SOBP: variants seen among roughly 807,000 people sequenced by gnomAD.
The protein encoded by SOBP is sine oculis-binding protein homolog.
In SOBP, 4 loss-of-function variants were observed where a neutral mutation model predicts 53.6. That is an observed-to-expected ratio of 0.07 (90% CI 0.04 to 0.17). SOBP has a LOEUF of 0.17. Among genes scored for constraint, SOBP ranks in the 10% least tolerant of loss-of-function variants. The probability of loss-of-function intolerance (pLI) is 1.00; values close to 1 mark genes in which losing one functional copy is unlikely to be tolerated. For synonymous variants in SOBP, 584 were observed against 522.6 expected (o/e 1.12, Z -1.60); for missense variants, 1,088 against 1,204.7 (o/e 0.90, Z 1.43).
intron 6 of SOBP, among the ~76,000 whole-genome samples, chr6:107,650,242 G>A (rs544277016): frequency 3.3e-5 from 5 of 152,284 alleles, no homozygotes; most frequent in Non-Finnish European, 7.4e-5. Flanking sequence ...ATGAAGCTGC[G>A]ATTCAGACCA....
chr6:107,628,337 G>A (rs143509689), intron 5 of SOBP, among the ~76,000 whole-genome samples: 2 of 152,340 alleles, frequency 1.3e-5, no homozygotes, highest in East Asian at 1.9e-4. Context: ...CCTGCAGACA[G>A]CTCCTCTGTT....
intron 4 of SOBP, among the ~76,000 whole-genome samples, chr6:107,582,312 C>T (rs1785428069): frequency 1.3e-5 from 2 of 152,082 alleles, no homozygotes; most frequent in Non-Finnish European, 2.9e-5. Flanking sequence ...CTAAAGTTTG[C>T]TGTATTGTAA....
At chr6:107,545,314 T>A (rs558668859) in intron 4 of SOBP, among the ~76,000 whole-genome samples, 158 of 152,268 alleles carry the variant, frequency 1.0e-3, no homozygotes, top group South Asian at 2.3e-3. Context: ...ACAGAAACTT[T>A]GGGTAATGAT....
intron 4 of SOBP, 51 bp downstream of exon 4, chr6:107,533,661 A>G: frequency 6.2e-7 from 1 of 1,610,314 alleles, no homozygotes; most frequent in Non-Finnish European, 8.5e-7. Context: ...ACCAGCCCAC[A>G]CGCGCATGTG....
chr6:107,650,121 TAAAG>T (rs1322530608), intron 6 of SOBP, among the ~76,000 whole-genome samples: 3 of 152,230 alleles, frequency 2.0e-5, no homozygotes, highest in East Asian at 1.9e-4. Flanking sequence ...ATTTAAAAAT[TAAAG>T]AAAACAAGGC....
At chr6:107,650,304 C>T (rs1771750315) in intron 6 of SOBP, among the ~76,000 whole-genome samples, 1 of 152,216 alleles carries the variant, frequency 6.6e-6, no homozygotes, top group South Asian at 2.1e-4. Flanking sequence ...CATACCCTCT[C>T]CTTACCATGA....
rs941605641 is a variant in SOBP, at chr6:107,490,539, A to G, written c.-78A>G. 3.8e-6 allele frequency: 4 copies of G among 1,046,586 alleles called. No homozygotes were observed. Among genetic ancestry groups the G allele is most frequent in the East Asian group, 2.8e-5 (1 of 36,040 alleles). 64.8% of individuals were successfully genotyped at this position (1,046,586 alleles called of 1,614,324 possible). ...CCTCGCCACCATCAGCACCACCTCC[A>G]CCGCCGCCGCCGCCGCCACCACCAC... On this transcript the variant is annotated 5_prime_UTR_variant, in exon 1 of 7. Transcript: ENST00000317357.
At chr6:107,592,526 T>G (rs1350791123) in intron 5 of SOBP, among the ~76,000 whole-genome samples, 2 of 152,166 alleles carry the variant, frequency 1.3e-5, no homozygotes, top group African/African-American at 2.4e-5. Context: ...AAAGCCAGAT[T>G]TACGCCCCAG....
intron 5 of SOBP, among the ~76,000 whole-genome samples, chr6:107,606,329 G>A (rs1410197697): frequency 6.6e-6 from 1 of 151,946 alleles, no homozygotes; most frequent in African/African-American, 2.4e-5. Context: ...CACCCGCCTT[G>A]GCCTCCCAAA....
intron 5 of SOBP, among the ~76,000 whole-genome samples, chr6:107,607,537 G>T (rs1786430787): frequency 6.6e-6 from 1 of 151,850 alleles, no homozygotes; most frequent in Admixed American, 6.6e-5. Flanking sequence ...TTTTTCTTAC[G>T]CATTTGGCAC....
At chr6:107,553,066 A>G (rs765447659) in intron 4 of SOBP, among the ~76,000 whole-genome samples, 1 of 152,094 alleles carries the variant, frequency 6.6e-6, no homozygotes, top group Non-Finnish European at 1.5e-5. Context: ...CATGTAACCA[A>G]ACACCACCTG....
intron 5 of SOBP, among the ~76,000 whole-genome samples, chr6:107,614,611 T>C (rs1286391761): frequency 6.6e-6 from 1 of 152,188 alleles, no homozygotes; most frequent in East Asian, 1.9e-4. Context: ...TTTTATAAAG[T>C]AGTGAGTTCC....
At chr6:107,513,685 A>T (rs1450622112) in intron 3 of SOBP, among the ~76,000 whole-genome samples, 3 of 150,806 alleles carry the variant, frequency 2.0e-5, no homozygotes, top group Admixed American at 1.3e-4. Flanking sequence ...AGTTAATGGG[A>T]TTTGGATGAC....
At chr6:107,636,032 A>G (rs1343756290) in intron 6 of SOBP, among the ~76,000 whole-genome samples, 1 of 152,220 alleles carries the variant, frequency 6.6e-6, no homozygotes, top group East Asian at 1.9e-4. Flanking sequence ...TCTTACATGC[A>G]TATGTCAACT....
chr6:107,657,696 G>A (rs929498910), intron 6 of SOBP, among the ~76,000 whole-genome samples: 1 of 152,056 alleles, frequency 6.6e-6, no homozygotes, highest in Non-Finnish European at 1.5e-5. Context: ...CTCCTGCTGG[G>A]GCTGGATGCG....
chr6:107,608,510 G>A (rs1481631473), intron 5 of SOBP, among the ~76,000 whole-genome samples: 1 of 152,116 alleles, frequency 6.6e-6, no homozygotes, highest in African/African-American at 2.4e-5. Context: ...TCAAAAATAA[G>A]GCAGAAATAA....
intron 5 of SOBP, among the ~76,000 whole-genome samples, chr6:107,591,972 T>TG (rs1453758064): frequency 1.4e-4 from 12 of 88,154 alleles, no homozygotes; most frequent in African/African-American, 4.8e-4. Flanking sequence ...TTTGGTGTTT[T>TG]TTTTTTTTTT....
At chr6:107,589,041 A>T (rs576114405) in intron 5 of SOBP, among the ~76,000 whole-genome samples, 34 of 152,336 alleles carry the variant, frequency 2.2e-4, no homozygotes, top group African/African-American at 6.0e-4. Context: ...TATATGAAAG[A>T]GACTTGTTCA....
chr6:107,516,936 C>T (rs1783337931), intron 3 of SOBP, among the ~76,000 whole-genome samples: 1 of 152,004 alleles, frequency 6.6e-6, no homozygotes, highest in African/African-American at 2.4e-5. Context: ...GAGGAAGATT[C>T]CTCCTAAATT....
Sources: gnomAD v4.1 joint callset for allele counts (sites outside exome capture counted in the v4.1 genomes callset) on GRCh38, gnomAD v4.1.1 for gene constraint, MANE v1.5 for transcripts, NCBI Gene and HGNC (gene_info 2026-07-23, HGNC 2026-07-21) for gene names.